The following MUC6 variants were observed in gnomAD, a reference collection of about 807,000 sequenced individuals.
MUC6 encodes the protein mucin 6, oligomeric mucus/gel-forming (gene/pseudogene), also known as mucin-6.
Under a neutral mutation model 201.5 loss-of-function variants are expected in MUC6, and 188 were observed. The observed-to-expected ratio is 0.93, with a 90% CI of 0.83 to 1.05. The LOEUF is 1.05. Ranked by LOEUF, MUC6 falls within the 50% of genes least tolerant of loss-of-function variation. The pLI is 0.00. For missense variants in MUC6, 2,706 were observed against 3,256.9 expected, an observed-to-expected ratio of 0.83 and a Z score of 4.12; for synonymous variants, 1,228 against 1,389.4, an observed-to-expected ratio of 0.88 and a Z score of 2.58.
At position 1,028,341 on chromosome 11, in the gene MUC6, A is replaced by G. The variant is rs2133831720; in HGVS notation, c.1638T>C (p.Thr546=). ...FNGDTTDDFT[T]SMGIAEGTAS... ...CGGTGCCCTCGGCGATACCCATGCT[A>G]GTGGTGAAGTCATCCGTTGTGTCCC... The change falls in exon 14 of 33, where the codon ACT becomes ACC. Residue 546 remains threonine (T), a synonymous_variant. Coordinates refer to ENST00000421673, the MANE Select transcript of MUC6 (RefSeq NM_005961.3). The G allele has an allele frequency of 6.2e-7, 1 of 1,612,622 alleles. No individual in the cohort carries two copies. Among genetic ancestry groups the G allele is most frequent in the South Asian group, 1.1e-5 (1 of 91,058 alleles).
In MUC6 at chr11:1,027,809, C is replaced by A. The variant is rs759312435; in HGVS notation, c.1857G>T (p.Val619=). ...VNPAPFYKRC[V]YQACNYEETF... ...TCTCCTCGTAGTTGCAGGCCTGGTACACGCACCTCTGCGGGCAGAGAGCCA... is the reference window on the plus strand; with the variant it reads ...TCTCCTCGTAGTTGCAGGCCTGGTAAACGCACCTCTGCGGGCAGAGAGCCA... The change falls in exon 16 of 33, where the codon GTG becomes GTT. Residue 619 remains valine, a synonymous_variant. Transcript: ENST00000421673. The A allele has an allele frequency of 7.5e-6, 12 of 1,610,486 alleles. No homozygotes were observed. In the South Asian group the frequency reaches 1.3e-4, roughly 18 times the overall value.
At chr11:1,013,675 G>A in intron 32 of MUC6, 42 bp from the exon 33 acceptor site, 1 of 1,533,390 alleles carries the variant, frequency 6.5e-7, no homozygotes. Context: ...GACTGCTGCA[G>A]GGGCATAAGG....
At position 1,019,261 on chromosome 11, in the gene MUC6, G is replaced by A; in HGVS notation, c.4030+14C>T. 1 of 1,612,930 alleles carries A rather than the reference G, an allele frequency of 6.2e-7. No homozygotes were observed. Among genetic ancestry groups the A allele is most frequent in the South Asian group, 1.1e-5 (1 of 91,054 alleles). On this transcript the variant is annotated intron_variant, in intron 30 of 32. Transcript: ENST00000421673. ...CCTTCGGCAGTGCTGGCATCCCATGGCGCCATGACTTACGCAGCGTGGGGC... is the reference window on the plus strand; with the variant it reads ...CCTTCGGCAGTGCTGGCATCCCATGACGCCATGACTTACGCAGCGTGGGGC...
chr11:1,022,331 C>T (rs1020183247), intron 26 of MUC6, among the ~76,000 whole-genome samples: 4 of 149,652 alleles, frequency 2.7e-5, no homozygotes, highest in Admixed American at 6.6e-5. Flanking sequence ...TCTACAGCCC[C>T]GCACCCCTCC....
rs1241417181 is a variant in MUC6, at chr11:1,031,880, T to G, written c.289A>C (p.Ile97Leu). ...ACGGAGGCCCCCAGCTCCACGATGA[T>G]CCGCGAGATGCTCCCGTCTGGGCCT... Reference protein sequence around the residue: ...RRGPDGSISRIIVELGASVVT... With the variant: ...RRGPDGSISRLIVELGASVVT... Residue 97 changes from isoleucine (I) to leucine (L), a missense_variant, in exon 3 of 33, where the codon ATC becomes CTC. Physicochemically the swap from Ile to Leu is conservative, Grantham distance 5. Coordinates refer to ENST00000421673, the MANE Select transcript of MUC6 (RefSeq NM_005961.3). 6.2e-7 allele frequency: 1 copy of G among 1,612,904 alleles called. No individual in the cohort carries two copies. The highest frequency in any genetic ancestry group is 1.1e-5 in the South Asian group (1 of 91,036).
intron 8 of MUC6, among the ~76,000 whole-genome samples, chr11:1,029,830 T>C (rs571574131): frequency 6.6e-6 from 1 of 152,188 alleles, no homozygotes; most frequent in South Asian, 2.1e-4. Flanking sequence ...TTCGCAACTC[T>C]ATGTCAGGCC....
rs1229431084 is a variant in MUC6, at chr11:1,013,003, C to G, written c.*453G>C. On this transcript the variant is annotated 3_prime_UTR_variant, in exon 33 of 33. Coordinates refer to ENST00000421673, the MANE Select transcript of MUC6 (RefSeq NM_005961.3). ...CCTGACTCTGGGGATCTCCTCTTCT[C>G]TGTGCTGGTGGCTGCCTGGGCCTCT... 1 of 166,900 alleles carries G rather than the reference C, an allele frequency of 6.0e-6. No homozygotes were observed. The highest frequency in any genetic ancestry group is 1.3e-5 in the Non-Finnish European group (1 of 77,890). 10.3% of individuals were successfully genotyped at this position (166,900 alleles called of 1,614,324 possible).
chr11:1,024,710 A>G, intron 24 of MUC6, 134 bp downstream of exon 24: 1 of 1,397,472 alleles, frequency 7.2e-7, no homozygotes, highest in Non-Finnish European at 9.5e-7. Context: ...AGGGTCTGAA[A>G]CTCTCTGCAC....
intron 24 of MUC6, 69 bp downstream of exon 24, chr11:1,024,775 G>A (rs983650392): frequency 3.6e-5 from 45 of 1,241,632 alleles, no homozygotes; most frequent in African/African-American, 2.4e-4. Flanking sequence ...TGGCTTCCCC[G>A]CCCCTTCCCC....
At position 1,026,466 on chromosome 11, in the gene MUC6, A is replaced by G. The variant is rs765231467; in HGVS notation, c.2407T>C (p.Cys803Arg). Residue 803 changes from cysteine to arginine, a missense_variant, in exon 20 of 33, where the codon TGT becomes CGT. Physicochemically the swap from Cys to Arg is radical, Grantham distance 180. Coordinates refer to ENST00000421673, the MANE Select transcript of MUC6 (RefSeq NM_005961.3). The part of the protein sequence containing the change: ...ATGVACVPTK[C>R]EPGCVCAEGL... ...TCGGCGCAGACACAGCCAGGCTCAC[A>G]CTTGGTGGGCACCTGGAGGGAGGCA... The G allele has an allele frequency of 1.3e-6, 2 of 1,593,522 alleles. No homozygotes were observed. The highest frequency in any genetic ancestry group is 1.7e-6 in the Non-Finnish European group (2 of 1,171,510).
intron 6 of MUC6, 42 bp from the exon 7 acceptor site, chr11:1,030,822 C>G: frequency 6.5e-7 from 1 of 1,530,926 alleles, no homozygotes; most frequent in Non-Finnish European, 8.7e-7. Context: ...AGGCCACACC[C>G]CATGCCACCA....
At chr11:1,021,839 T>C (rs932696034) in intron 26 of MUC6, among the ~76,000 whole-genome samples, 2 of 152,050 alleles carry the variant, frequency 1.3e-5, no homozygotes, top group African/African-American at 4.8e-5. Flanking sequence ...ATTGCCCTCC[T>C]GAGCCCCAAC....
At chr11:1,013,712 C>T (rs796909322) in intron 32 of MUC6, 79 bp from the exon 33 acceptor site, 23 of 1,476,062 alleles carry the variant, frequency 1.6e-5, no homozygotes, top group Middle Eastern at 2.0e-4. Context: ...GCAGCTGCTC[C>T]GCAGAGGCCT....
In MUC6 at chr11:1,026,407, C is replaced by A. The variant is rs1299696181; in HGVS notation, c.2466G>T (p.Val822=). 1 of 1,608,544 alleles carries A rather than the reference C, an allele frequency of 6.2e-7. No homozygotes were observed. ...GLYENADGQC[V]PPEECPCEFS... is the part of the protein sequence containing the mutation. The stretch of plus-strand genomic sequence containing the variant: ...ACTCACATGGGCACTCCTCGGGGGG[C>A]ACACACTGCCCGTCGGCATTCTCGT... The change falls in exon 20 of 33, where the codon GTG becomes GTT. Residue 822 remains valine (V), a synonymous_variant. Transcript: ENST00000421673.
Position 1,027,724 on chromosome 11 carries a change from C to A in MUC6, c.1942G>T (p.Val648Phe), listed in dbSNP as rs184826746. 2 of 1,606,462 alleles carry A rather than the reference C, an allele frequency of 1.2e-6. No homozygotes were observed. The highest frequency in any genetic ancestry group is 2.7e-5 in the African/African-American group (2 of 74,762). Residue 648 changes from valine (V) to phenylalanine (F), a missense_variant, in exon 16 of 33, where the codon GTC (valine) becomes TTC (phenylalanine). By Grantham distance (50) the Val-to-Phe change is conservative. This residue lies in a region of MUC6 where 1,850 missense variants were observed against 1,958.3 expected (regional missense o/e 0.94). Transcript: ENST00000421673. The stretch of plus-strand genomic sequence containing the variant: ...CTGCTTCTCCAGCCCCAGAGCAGGA[C>A]GCCCCGCAAGGAGCAGGCGTGTACG... ...DYVHACSLRGVLLWGWRSSVD... is the reference protein window; with the variant it reads ...DYVHACSLRGFLLWGWRSSVD...
In MUC6 at chr11:1,028,397, C is replaced by T. The variant is rs771580155; in HGVS notation, c.1592-10G>A. ...AAGTTGCCGCAGAGCCCTGAGCCGG[C>T]GGGGCGTGAGCTCGACTTGAACCCA... On this transcript the variant is annotated splice_polypyrimidine_tract_variant and intron_variant, in intron 13 of 32. Transcript: ENST00000421673. 2.0e-5 allele frequency: 32 copies of T among 1,610,420 alleles called. No homozygotes were observed. Among genetic ancestry groups the T allele is most frequent in the Admixed American group, 3.3e-5 (2 of 59,936 alleles).
chr11:1,029,098 C>T lies in MUC6; in HGVS notation c.1328G>A (p.Gly443Asp), dbSNP rs777941753. ...CAGGGAGGTCTCGGAGTGTGAGACG[C>T]CGGACTTGTCGTACACAGCCATGAG... ...GALMAVYDKS[G>D]VSHSETSLVA... Residue 443 changes from glycine to aspartate, a missense_variant, in exon 11 of 33, where the codon GGC (glycine) becomes GAC (aspartate). By Grantham distance (94) the Gly-to-Asp change is moderately conservative. Around this residue, in one of 10 missense-constraint regions of MUC6, gnomAD observed 1,850 missense variants for 1,958.3 expected, o/e 0.94. Transcript: ENST00000421673. 17 of 1,612,672 alleles carry T rather than the reference C, an allele frequency of 1.1e-5. No homozygotes were observed. The Admixed American group carries it at 1.7e-4, about 16-fold the overall frequency.
In MUC6 at chr11:1,029,344, C is replaced by T; in HGVS notation, c.1159G>A (p.Val387Met). Reference protein sequence around the residue: ...QTCRCTLGRWVCTERPCPGHC... With the variant: ...QTCRCTLGRWMCTERPCPGHC... ...CCGGGGCACGGCCGCTCCGTGCACA[C>T]CCAGCGGCCCAGGGTGCACCGGCTG... is the stretch of plus-strand genomic sequence containing the variant. The change falls in exon 10 of 33, where the codon GTG (valine) becomes ATG (methionine). Residue 387 changes from valine to methionine, a missense_variant. This residue lies in a region of MUC6 where 1,850 missense variants were observed against 1,958.3 expected (regional missense o/e 0.94). Coordinates refer to ENST00000421673, the MANE Select transcript of MUC6 (RefSeq NM_005961.3). The T allele has an allele frequency of 6.2e-7, 1 of 1,601,400 alleles. No individual in the cohort carries two copies. Among genetic ancestry groups the T allele is most frequent in the Non-Finnish European group, 8.5e-7 (1 of 1,174,764 alleles).
Position 1,029,295 on chromosome 11 carries a change from G to A in MUC6, c.1208C>T (p.Ser403Phe). ...CCTGGCGTCAAATGTGGTAACAAAG[G>A]AGCCACCTTCCAGGGAGCAGTGTCC... ...CPGHCSLEGG[S>F]FVTTFDARPY... Residue 403 changes from serine to phenylalanine, a missense_variant, in exon 10 of 33, where the codon TCC becomes TTC. Transcript: ENST00000421673. 6.2e-7 allele frequency: 1 copy of A among 1,606,864 alleles called. No homozygotes were observed. Among genetic ancestry groups the A allele is most frequent in the Non-Finnish European group, 8.5e-7 (1 of 1,177,628 alleles).
Sources: gnomAD v4.1 joint callset for allele counts (sites outside exome capture counted in the v4.1 genomes callset) on GRCh38, gnomAD v4.1.1 for gene constraint, gnomAD v4.1.1 regional missense constraint, MANE v1.5 for transcripts, NCBI Gene and HGNC (gene_info 2026-07-23, HGNC 2026-07-21) for gene names.